CDHR3: variants seen among roughly 807,000 people sequenced by gnomAD.
CDHR3 encodes cadherin-related family member 3.
A neutral mutation model predicts 86.6 loss-of-function variants in CDHR3; 79 were observed. The observed-to-expected ratio is 0.91, with a 90% CI of 0.76 to 1.10. CDHR3 has a LOEUF of 1.10. Among genes scored for constraint, CDHR3 ranks in the 50% least tolerant of loss-of-function variants. The pLI is 0.00. For missense variants in CDHR3, 1,081 were observed against 1,077.6 expected (o/e 1.00, Z -0.04); for synonymous variants, 421 against 402.4 (o/e 1.05, Z -0.55).
In CDHR3 at chr7:105,963,784, T is replaced by A. The variant is rs186220583; in HGVS notation, c.46+420T>A. 1.2e-3 allele frequency among the ~76,000 whole-genome samples: 189 copies of A among 152,242 alleles called. 1 individual carries two copies. The highest frequency in any genetic ancestry group is 4.4e-3 in the African/African-American group (181 of 41,540). On this transcript the variant is annotated intron_variant, in intron 1 of 18. Coordinates refer to ENST00000317716, the MANE Select transcript of CDHR3 (RefSeq NM_152750.5). ...AAGTGATCCTTTGAGGAAAGTGAGT[T>A]ACTGAGGGGGTGTCTTCCTCTTGAG...
intron 1 of CDHR3, among the ~76,000 whole-genome samples, chr7:105,968,129 A>C (rs1260156131): frequency 6.6e-6 from 1 of 152,208 alleles, no homozygotes; most frequent in African/African-American, 2.4e-5. Context: ...TCACTAGTTG[A>C]ATCACCTTTC....
intron 4 of CDHR3, among the ~76,000 whole-genome samples, chr7:105,986,285 T>C (rs1214442059): frequency 1.3e-5 from 2 of 152,226 alleles, no homozygotes; most frequent in African/African-American, 4.8e-5. Flanking sequence ...ACCCAAAGTA[T>C]AGCACCTCAC....
At chr7:105,992,460 T>TA (rs974962538) in intron 4 of CDHR3, among the ~76,000 whole-genome samples, 9 of 152,276 alleles carry the variant, frequency 5.9e-5, no homozygotes, top group Admixed American at 5.9e-4. Flanking sequence ...GCTGGAGTGT[T>TA]AATGGGGGGC....
intron 4 of CDHR3, among the ~76,000 whole-genome samples, chr7:105,992,144 A>C (rs997796074): frequency 6.6e-6 from 1 of 152,026 alleles, no homozygotes; most frequent in Non-Finnish European, 1.5e-5. Flanking sequence ...AAGATTTTGG[A>C]GTGTAGGGCC....
At chr7:106,026,531 G>C in intron 15 of CDHR3, 151 bp from the exon 16 acceptor site, 1 of 737,828 alleles carries the variant, frequency 1.4e-6, no homozygotes, top group Non-Finnish European at 2.4e-6. Context: ...TGGTGATCTA[G>C]TTTTCTTTCT....
At chr7:105,985,088 C>T (rs1443622968) in intron 4 of CDHR3, among the ~76,000 whole-genome samples, 1 of 151,776 alleles carries the variant, frequency 6.6e-6, no homozygotes, top group Non-Finnish European at 1.5e-5. Flanking sequence ...TAAGGAGTCC[C>T]CAGAATTCTA....
intron 17 of CDHR3, among the ~76,000 whole-genome samples, chr7:106,028,988 CTTTCTTTT>C (rs1563312283): frequency 3.6e-5 from 5 of 138,304 alleles, no homozygotes; most frequent in Non-Finnish European, 7.9e-5. Flanking sequence ...TTCTTTCTTT[CTTTCTTTT>C]TAAGACACAG....
chr7:105,979,125 C>T (rs770944597), intron 2 of CDHR3, among the ~76,000 whole-genome samples: 70 of 152,270 alleles, frequency 4.6e-4, no homozygotes, highest in Middle Eastern at 3.4e-3. Flanking sequence ...ATTAGCTCAT[C>T]GAATCCTCAT....
At position 105,999,186 on chromosome 7, in the gene CDHR3, T is replaced by A. The variant is rs1444190514; in HGVS notation, c.714-2276T>A. Among the ~76,000 whole-genome samples the A allele has an allele frequency of 2.6e-5, 4 of 152,356 alleles. No homozygotes were observed. The East Asian group carries it at 7.7e-4, about 29-fold the overall frequency. ...CTAGCTTCACTGTGCTTTGAATAGCTCTTAACTGTGGTCTCCGTTGAATGA... is the reference window on the plus strand; with the variant it reads ...CTAGCTTCACTGTGCTTTGAATAGCACTTAACTGTGGTCTCCGTTGAATGA... On this transcript the variant is annotated intron_variant, in intron 6 of 18. Coordinates refer to ENST00000317716, the MANE Select transcript of CDHR3 (RefSeq NM_152750.5).
At chr7:106,027,693 C>T (rs893171417) in intron 16 of CDHR3, 6 of 452,800 alleles carry the variant, frequency 1.3e-5, no homozygotes, top group Middle Eastern at 3.6e-4. Flanking sequence ...ATCACTCCAT[C>T]TACAGGCATG....
chr7:105,991,859 T>G (rs1385788589), intron 4 of CDHR3, among the ~76,000 whole-genome samples: 1 of 152,246 alleles, frequency 6.6e-6, no homozygotes, highest in Non-Finnish European at 1.5e-5. Context: ...GGGCTTGCCA[T>G]GTACCAGGCA....
intron 2 of CDHR3, among the ~76,000 whole-genome samples, chr7:105,975,839 G>T (rs1828716726): frequency 6.6e-6 from 1 of 152,170 alleles, no homozygotes; most frequent in South Asian, 2.1e-4. Context: ...GGTCCAACCT[G>T]CCATTCCTCT....
At chr7:105,969,797 G>A (rs1194484823) in intron 1 of CDHR3, among the ~76,000 whole-genome samples, 4 of 152,142 alleles carry the variant, frequency 2.6e-5, no homozygotes, top group African/African-American at 9.7e-5. Flanking sequence ...TTGCTATGCT[G>A]TATCCGTTTT....
At chr7:105,971,787 T>C (rs577119711) in intron 1 of CDHR3, among the ~76,000 whole-genome samples, 1 of 152,240 alleles carries the variant, frequency 6.6e-6, no homozygotes, top group South Asian at 2.1e-4. Context: ...GAGTGGAGCT[T>C]AGCAAGTCCC....
At chr7:105,983,459 C>G (rs1479625902) in intron 3 of CDHR3, among the ~76,000 whole-genome samples, 2 of 152,164 alleles carry the variant, frequency 1.3e-5, no homozygotes, top group Admixed American at 1.3e-4. Context: ...ATTAATAGAA[C>G]TGTTATGAAG....
chr7:106,015,269 A>G (rs755118920), intron 10 of CDHR3, 56 bp downstream of exon 10: 6 of 1,448,268 alleles, frequency 4.1e-6, no homozygotes, highest in South Asian at 1.2e-5. Flanking sequence ...CAATGACCAA[A>G]CTCTGCTGGG....
chr7:106,004,727 T>G (rs955756747), intron 8 of CDHR3, 40 bp downstream of exon 8: 5 of 1,595,468 alleles, frequency 3.1e-6, no homozygotes, highest in East Asian at 2.2e-5. Flanking sequence ...ATTCTATCTC[T>G]TTGGTGGCCC....
Position 106,032,613 on chromosome 7 carries a change from T to C in CDHR3, c.2574T>C (p.Asn858=). The change falls in exon 19 of 19, where the codon AAT becomes AAC. Residue 858 remains asparagine (N), a synonymous_variant. Transcript: ENST00000317716. ...AGGATGCTGGTCTGGGTTCCAGAAA[T>C]GAGGGTGGCAAGCTGGGCAACCCAA... ...WAEDAGLGSR[N]EGGKLGNPKN... 1 of 1,613,794 alleles carries C rather than the reference T, an allele frequency of 6.2e-7. No individual in the cohort carries two copies.
intron 11 of CDHR3, among the ~76,000 whole-genome samples, chr7:106,017,564 GACACACACACACACACACACACAC>G (rs539661927): frequency 1.5e-5 from 2 of 130,548 alleles, no homozygotes; most frequent in Non-Finnish European, 3.3e-5. Context: ...GTCACACACA[GACACACACACACACACACACACAC>G]ACACACACAC....
Sources: gnomAD v4.1 joint callset for allele counts (sites outside exome capture counted in the v4.1 genomes callset) on GRCh38, gnomAD v4.1.1 for gene constraint, MANE v1.5 for transcripts, NCBI Gene and HGNC (gene_info 2026-07-23, HGNC 2026-07-21) for gene names.